RAB3GAP1: variants seen among roughly 807,000 people sequenced by gnomAD.
RAB3GAP1 encodes the protein rab3 GTPase-activating protein catalytic subunit.
Under a neutral mutation model 130.7 loss-of-function variants are expected in RAB3GAP1, and 86 were observed. That is an observed-to-expected ratio of 0.66 (90% CI 0.55 to 0.79). The LOEUF is 0.79. Among genes scored for constraint, RAB3GAP1 ranks in the 30% least tolerant of loss-of-function variants. RAB3GAP1 has a pLI of 0.00. For synonymous variants in RAB3GAP1, 367 were observed against 401.7 expected (o/e 0.91, Z 1.03); for missense variants, 1,029 against 1,169.4 (o/e 0.88, Z 1.75).
rs1455723930 is a variant in RAB3GAP1 at position 135,135,944 on chromosome 2, T to TG, written c.1923+12_1923+13insG. 1 of 1,612,376 alleles carries TG rather than the reference T, an allele frequency of 6.2e-7. No homozygotes were observed. Among genetic ancestry groups the TG allele is most frequent in the South Asian group, 1.1e-5 (1 of 91,038 alleles). The stretch of plus-strand genomic sequence containing the variant: ...TTCCAGTAACCCAGGTAGGATGCAC[T>TG]AGTTCTTTCCATTTTAATTTATTTT... On this transcript the variant is annotated intron_variant, in intron 17 of 23. Coordinates refer to ENST00000264158, the MANE Select transcript of RAB3GAP1 (RefSeq NM_012233.3).
chr2:135,104,568 G>A (rs1690537161), intron 5 of RAB3GAP1, among the ~76,000 whole-genome samples: 1 of 151,992 alleles, frequency 6.6e-6, no homozygotes, highest in African/African-American at 2.4e-5. Context: ...AGAACCAAAT[G>A]GCGGCCAGGC....
At chr2:135,143,275 T>C (rs935918254) in intron 17 of RAB3GAP1, among the ~76,000 whole-genome samples, 1 of 152,030 alleles carries the variant, frequency 6.6e-6, no homozygotes, top group Admixed American at 6.5e-5. Context: ...TTATAGAATC[T>C]ATAATGATAT....
intron 13 of RAB3GAP1, among the ~76,000 whole-genome samples, chr2:135,132,438 G>A (rs1482453881): frequency 6.6e-6 from 1 of 152,088 alleles, no homozygotes; most frequent in Non-Finnish European, 1.5e-5. Flanking sequence ...AAAGCTGTGG[G>A]TCTTGAATAT....
At chr2:135,166,181 A>T (rs1692644254) in intron 23 of RAB3GAP1, among the ~76,000 whole-genome samples, 2 of 151,888 alleles carry the variant, frequency 1.3e-5, no homozygotes, top group Non-Finnish European at 2.9e-5. Context: ...AAAAAAAAAA[A>T]GTTATGTGTT....
intron 17 of RAB3GAP1, among the ~76,000 whole-genome samples, chr2:135,139,922 G>A (rs976594052): frequency 1.3e-5 from 2 of 152,160 alleles, no homozygotes; most frequent in African/African-American, 4.8e-5. Context: ...AGCTTTGTCA[G>A]TTTTTGAACC....
chr2:135,145,018 A>G (rs1485565788), intron 17 of RAB3GAP1, among the ~76,000 whole-genome samples: 1 of 152,234 alleles, frequency 6.6e-6, no homozygotes, highest in African/African-American at 2.4e-5. Context: ...GCCATTTGCT[A>G]AGTCAATACT....
intron 22 of RAB3GAP1, 122 bp from the exon 23 acceptor site, chr2:135,164,472 C>A: frequency 2.7e-6 from 2 of 740,636 alleles, no homozygotes; most frequent in Admixed American, 4.0e-5. Context: ...TCACTCCAAC[C>A]TTGTTGGGTT....
At chr2:135,129,707 A>G (rs557770683) in intron 11 of RAB3GAP1, among the ~76,000 whole-genome samples, 3 of 152,244 alleles carry the variant, frequency 2.0e-5, no homozygotes, top group East Asian at 3.9e-4. Flanking sequence ...ACTGTGTCTC[A>G]TTGAGGCATA....
intron 6 of RAB3GAP1, among the ~76,000 whole-genome samples, chr2:135,113,823 T>G (rs1690890775): frequency 6.6e-6 from 1 of 152,066 alleles, no homozygotes; most frequent in Non-Finnish European, 1.5e-5. Context: ...CACTGCAGCC[T>G]CCACCTCCTG....
At chr2:135,058,974 C>T (rs1233082368) in intron 3 of RAB3GAP1, 1 of 151,926 alleles carries the variant, frequency 6.6e-6, no homozygotes, top group Non-Finnish European at 1.5e-5. Flanking sequence ...GGGTTTTCAG[C>T]TTTGTGATGG....
rs954757500 is a variant in RAB3GAP1 at position 135,168,871 on chromosome 2, G to A, written c.*90G>A. The A allele has an allele frequency of 1.7e-5, 19 of 1,120,568 alleles. No individual in the cohort carries two copies. The African/African-American group carries it at 2.8e-4, about 16-fold the overall frequency. The allele number at this position is 1,120,568 out of a possible 1,614,324, so 69.4% of individuals were successfully genotyped here. A position where few individuals can be genotyped will look rare whatever the true frequency, so the allele number is the denominator to read the frequency against. On this transcript the variant is annotated 3_prime_UTR_variant, in exon 24 of 24. Transcript: ENST00000264158. ...TACCAGGGAGAACCTGGGAGGTCCT[G>A]GAGAGGGCCCTGTCCAGTTGGGTGA...
chr2:135,117,570 G>GCTTCTTCTGCTT (rs1691033403), intron 7 of RAB3GAP1, among the ~76,000 whole-genome samples: 1 of 20,900 alleles, frequency 4.8e-5, no homozygotes, highest in African/African-American at 1.6e-4. Flanking sequence ...TTCTTCTTCT[G>GCTTCTTCTGCTT]CTTCTTCTTC....
Position 135,093,600 on chromosome 2 carries a change from C to T in RAB3GAP1, c.284-15C>T. 12 of 1,600,868 alleles carry T rather than the reference C, an allele frequency of 7.5e-6. No homozygotes were observed. The highest frequency in any genetic ancestry group is 1.0e-5 in the Non-Finnish European group (12 of 1,167,982). ...ATGAACATACTAACTTTTTCATTAT[C>T]AAATGTTTTTGTAGATGTTGTTCCA... On this transcript the variant is annotated splice_polypyrimidine_tract_variant and intron_variant, in intron 4 of 23. Transcript: ENST00000264158.
intron 15 of RAB3GAP1, 94 bp downstream of exon 15, chr2:135,134,127 G>A: frequency 7.0e-7 from 1 of 1,432,920 alleles, no homozygotes; most frequent in South Asian, 1.2e-5. Context: ...TAGGAAGTCT[G>A]CCCTAAGAAA....
At chr2:135,095,291 G>A (rs887139554) in intron 5 of RAB3GAP1, among the ~76,000 whole-genome samples, 2 of 152,050 alleles carry the variant, frequency 1.3e-5, no homozygotes, top group Admixed American at 6.6e-5. Flanking sequence ...CTCGTGATCC[G>A]CCCGCCTCGG....
chr2:135,079,539 C>CTAACCCTAACCCTAACCCTAA (rs1689725992), intron 3 of RAB3GAP1, among the ~76,000 whole-genome samples: 1 of 152,138 alleles, frequency 6.6e-6, no homozygotes, highest in African/African-American at 2.4e-5. Flanking sequence ...TTTCTCTACT[C>CTAACCCTAACCCTAACCCTAA]CCCTATAGGG....
At chr2:135,102,504 G>A (rs1032316519) in intron 5 of RAB3GAP1, among the ~76,000 whole-genome samples, 2 of 152,236 alleles carry the variant, frequency 1.3e-5, no homozygotes, top group African/African-American at 2.4e-5. Flanking sequence ...CATGAAAGCT[G>A]TAGATGCCTG....
Position 135,163,118 on chromosome 2 carries a change from T to C in RAB3GAP1, c.2606+17T>C. On this transcript the variant is annotated intron_variant, in intron 22 of 23. Coordinates refer to ENST00000264158, the MANE Select transcript of RAB3GAP1 (RefSeq NM_012233.3). Reference sequence around the variant, plus strand: ...TCTTGAAAGGTAATTGCTATTTGGCTAATTCAGTTTTGTCTGCAGTAGGAA... The same window carrying C: ...TCTTGAAAGGTAATTGCTATTTGGCCAATTCAGTTTTGTCTGCAGTAGGAA... 4 of 1,578,666 alleles carry C rather than the reference T, an allele frequency of 2.5e-6. No individual in the cohort carries two copies. The highest frequency in any genetic ancestry group is 3.5e-6 in the Non-Finnish European group (4 of 1,147,650).
At chr2:135,173,999 G>A (rs182272161), downstream of RAB3GAP1, among the ~76,000 whole-genome samples, 4 of 152,334 alleles carry the variant, frequency 2.6e-5, no homozygotes, top group East Asian at 7.7e-4. Flanking sequence ...GAAGCCCAGG[G>A]ACTCTGCCGC....
Sources: allele counts gnomAD v4.1 joint callset (sites outside exome capture counted in the v4.1 genomes callset), GRCh38; gene constraint gnomAD v4.1.1; transcripts MANE v1.5; gene names NCBI Gene and HGNC (gene_info 2026-07-23, HGNC 2026-07-21).